Variants in ZNF804B observed in about 807,000 individuals in gnomAD.
The protein encoded by ZNF804B is zinc finger 804B.
A neutral mutation model predicts 101.4 loss-of-function variants in ZNF804B; 80 were observed. The ratio of observed to expected loss-of-function variants is 0.79; its 90% CI spans 0.66 to 0.95. ZNF804B has a LOEUF of 0.95. Ranked by LOEUF, ZNF804B falls within the 40% of genes least tolerant of loss-of-function variation. The pLI is 0.00. For synonymous variants in ZNF804B, 622 were observed against 558.8 expected (o/e 1.11, Z -1.59); for missense variants, 1,673 against 1,561.9 (o/e 1.07, Z -1.20).
At chr7:88,960,258 G>T (rs1231611218) in intron 1 of ZNF804B, among the ~76,000 whole-genome samples, 1 of 151,282 alleles carries the variant, frequency 6.6e-6, no homozygotes, top group East Asian at 2.0e-4. Flanking sequence ...CCAGAAATAA[G>T]ACCCCACCCC....
intron 1 of ZNF804B, among the ~76,000 whole-genome samples, chr7:89,154,389 A>C (rs1790923312): frequency 6.6e-6 from 1 of 152,156 alleles, no homozygotes. Flanking sequence ...GGGTATCAGT[A>C]TATCAGAGAG....
At chr7:89,222,943 T>TTTA (rs1240807261) in intron 2 of ZNF804B, among the ~76,000 whole-genome samples, 13 of 152,074 alleles carry the variant, frequency 8.5e-5, no homozygotes, top group Admixed American at 7.9e-4. Context: ...CATTTAAAGA[T>TTTA]TTATTTTAGC....
chr7:88,808,934 C>A (rs929402550), intron 1 of ZNF804B, among the ~76,000 whole-genome samples: 1 of 152,252 alleles, frequency 6.6e-6, no homozygotes, highest in South Asian at 2.1e-4. Context: ...GGGTTGAAAT[C>A]CCAGATCAAT....
intron 1 of ZNF804B, among the ~76,000 whole-genome samples, chr7:88,798,787 G>A (rs1178380496): frequency 6.6e-6 from 1 of 152,020 alleles, no homozygotes; most frequent in Non-Finnish European, 1.5e-5. Flanking sequence ...TCTGCTCAAT[G>A]GACATTCAGC....
intron 1 of ZNF804B, among the ~76,000 whole-genome samples, chr7:89,123,561 C>G (rs967686247): frequency 6.6e-6 from 1 of 152,116 alleles, no homozygotes; most frequent in East Asian, 1.9e-4. Context: ...GACATTTCAC[C>G]TGCCCTTAAG....
At chr7:88,875,864 G>T (rs1012644675) in intron 1 of ZNF804B, among the ~76,000 whole-genome samples, 71 of 152,240 alleles carry the variant, frequency 4.7e-4, no homozygotes, top group African/African-American at 1.6e-3. Context: ...CCAAAAAAGA[G>T]AATTTTAGAC....
At chr7:89,018,973 C>T (rs1181247625) in intron 1 of ZNF804B, among the ~76,000 whole-genome samples, 1 of 151,838 alleles carries the variant, frequency 6.6e-6, no homozygotes, top group Non-Finnish European at 1.5e-5. Context: ...TTTTGTTAGT[C>T]TCAGTTTTGT....
chr7:88,759,751 C>A lies in ZNF804B; in HGVS notation c.-226C>A. The A allele has an allele frequency of 3.5e-6, 2 of 573,694 alleles. No individual in the cohort carries two copies. Among genetic ancestry groups the A allele is most frequent in the Middle Eastern group, 9.5e-4 (2 of 2,116 alleles). The allele number at this position is 573,694 out of a possible 1,614,324, so 35.5% of individuals were successfully genotyped here. Reference sequence around the variant, plus strand: ...ACTGGCTCGCCGGGTCCCCTCCGTGCTCTGTGCTGTCGCCGCCGCCGCCTC... The same window carrying A: ...ACTGGCTCGCCGGGTCCCCTCCGTGATCTGTGCTGTCGCCGCCGCCGCCTC... On this transcript the variant is annotated 5_prime_UTR_variant, in exon 1 of 4. Coordinates refer to ENST00000333190, the MANE Select transcript of ZNF804B (RefSeq NM_181646.5).
chr7:89,096,393 G>A (rs1789973038), intron 1 of ZNF804B, among the ~76,000 whole-genome samples: 2 of 152,194 alleles, frequency 1.3e-5, no homozygotes, highest in South Asian at 4.1e-4. Flanking sequence ...CAGGACTGGA[G>A]GGGAACCAGG....
intron 1 of ZNF804B, among the ~76,000 whole-genome samples, chr7:88,762,226 T>A (rs1215999338): frequency 1.3e-5 from 2 of 152,250 alleles, no homozygotes; most frequent in Non-Finnish European, 2.9e-5. Context: ...CACTATTTGA[T>A]TTACTTGGTC....
intron 2 of ZNF804B, among the ~76,000 whole-genome samples, chr7:89,223,431 A>G (rs1300809671): frequency 6.6e-6 from 1 of 151,904 alleles, no homozygotes; most frequent in Non-Finnish European, 1.5e-5. Flanking sequence ...GTCTGTCAGC[A>G]TCATGTGTTT....
chr7:89,031,667 T>TG (rs1198896990), intron 1 of ZNF804B, among the ~76,000 whole-genome samples: 1 of 151,318 alleles, frequency 6.6e-6, no homozygotes, highest in Non-Finnish European at 1.5e-5. Context: ...TTTTGTTTTT[T>TG]TTTTTTTCCC....
intron 1 of ZNF804B, among the ~76,000 whole-genome samples, chr7:89,048,676 A>G (rs1056785302): frequency 2.4e-4 from 37 of 151,970 alleles, no homozygotes; most frequent in African/African-American, 8.2e-4. Context: ...CTTGAAACAC[A>G]GAAGAAATTA....
chr7:88,882,718 G>A (rs1792063010), intron 1 of ZNF804B, among the ~76,000 whole-genome samples: 1 of 152,110 alleles, frequency 6.6e-6, no homozygotes, highest in Non-Finnish European at 1.5e-5. Flanking sequence ...CACGAGTGCA[G>A]CTAGACCATA....
chr7:88,890,841 A>G (rs1197546979), intron 1 of ZNF804B, among the ~76,000 whole-genome samples: 2 of 152,076 alleles, frequency 1.3e-5, no homozygotes, highest in Non-Finnish European at 2.9e-5. Context: ...TCACTTATTC[A>G]TAACACATTT....
intron 1 of ZNF804B, among the ~76,000 whole-genome samples, chr7:88,877,041 A>ATTTTTTTTT (rs1444817693): frequency 2.3e-5 from 1 of 43,986 alleles, no homozygotes; most frequent in East Asian, 5.5e-4. Flanking sequence ...ATATATATAT[A>ATTTTTTTTT]TATATATATT....
intron 1 of ZNF804B, among the ~76,000 whole-genome samples, chr7:89,178,694 A>C (rs1404878420): frequency 6.6e-6 from 1 of 152,122 alleles, no homozygotes; most frequent in Admixed American, 6.5e-5. Context: ...AGATATGAGA[A>C]GTTTAGATAC....
chr7:89,294,478 T>C (rs1389690469), intron 2 of ZNF804B, among the ~76,000 whole-genome samples: 1 of 152,192 alleles, frequency 6.6e-6, no homozygotes, highest in Non-Finnish European at 1.5e-5. Context: ...TCAGTGTTTT[T>C]TTCAGAGAGT....
At position 89,035,593 on chromosome 7, in the gene ZNF804B, C is replaced by T. The variant is rs561105095; in HGVS notation, c.109-182562C>T. ...TTCCAGTGAAGACTTTAAGTGACAGCGTGACGAACTTTTGATCAGTGTTTC... is the reference window on the plus strand; with the variant it reads ...TTCCAGTGAAGACTTTAAGTGACAGTGTGACGAACTTTTGATCAGTGTTTC... On this transcript the variant is annotated intron_variant, in intron 1 of 3. Transcript: ENST00000333190. Among the ~76,000 whole-genome samples the T allele has an allele frequency of 5.9e-5, 9 of 151,918 alleles. No homozygotes were observed. The South Asian group carries it at 1.7e-3, about 28-fold the overall frequency.
Sources: gnomAD v4.1 joint callset for allele counts (sites outside exome capture counted in the v4.1 genomes callset) on GRCh38, gnomAD v4.1.1 for gene constraint, MANE v1.5 for transcripts, NCBI Gene and HGNC (gene_info 2026-07-23, HGNC 2026-07-21) for gene names.